YIPF7: variants seen among roughly 807,000 people sequenced by gnomAD.
The protein encoded by YIPF7 is protein YIPF7.
YIPF7 carries 35 observed loss-of-function variants against 27.2 expected under a neutral mutation model. That is an observed-to-expected ratio of 1.29 (90% CI 0.98 to 1.70). YIPF7 has a LOEUF of 1.70. Among genes scored for constraint, YIPF7 ranks in the 40% most tolerant of loss-of-function variants. YIPF7 has a pLI of 0.00. For missense variants in YIPF7, 358 were observed against 303.7 expected, an observed-to-expected ratio of 1.18 and a Z score of -1.33; for synonymous variants, 137 against 110.4, an observed-to-expected ratio of 1.24 and a Z score of -1.51.
chr4:44,647,495 A>G lies in YIPF7; in HGVS notation c.116+2490T>C, dbSNP rs369769943. Among the ~76,000 whole-genome samples the G allele has an allele frequency of 5.4e-4, 82 of 152,314 alleles. 1 individual carries two copies. Among genetic ancestry groups the G allele is most frequent in the African/African-American group, 1.9e-3 (81 of 41,578 alleles). On this transcript the variant is annotated intron_variant, in intron 2 of 5. Transcript: ENST00000415895. The stretch of plus-strand genomic sequence containing the variant: ...CAGAACAGAGCTTAAAAATCTTAGT[A>G]GATATCTTTCATTGTGGATTGCAAA...
At chr4:44,658,695 C>A (rs1468992391) in intron 2 of YIPF7, among the ~76,000 whole-genome samples, 2 of 152,074 alleles carry the variant, frequency 1.3e-5, no homozygotes, top group African/African-American at 2.4e-5. Context: ...AAAGGCATAC[C>A]CGAGACTGGG....
chr4:44,626,949 GT>G (rs1712676167), intron 4 of YIPF7, among the ~76,000 whole-genome samples: 1 of 102,328 alleles, frequency 9.8e-6, no homozygotes, highest in African/African-American at 3.4e-5. Context: ...CTAATTTTCT[GT>G]ATTTTTTTTT....
At chr4:44,640,776 C>T (rs903128472) in intron 2 of YIPF7, among the ~76,000 whole-genome samples, 2 of 152,168 alleles carry the variant, frequency 1.3e-5, no homozygotes, top group Non-Finnish European at 2.9e-5. Context: ...GGCTGCAGCC[C>T]ATGCCACACT....
At chr4:44,626,763 C>CTTTTTT (rs71190269) in intron 4 of YIPF7, among the ~76,000 whole-genome samples, 1,513 of 69,720 alleles carry the variant, frequency 0.022, 384 homozygotes, top group Middle Eastern at 0.038. Context: ...ATTAGCACAT[C>CTTTTTT]TTTTTTTTTT....
chr4:44,635,921 T>C lies in YIPF7; in HGVS notation c.280+1A>G. ...ACATTAATAACACTTCCTTAACTTA[T>C]CTTCTAGCAAAGGAGGCTCTTCATC... On this transcript the variant is annotated splice_donor_variant, in intron 3 of 5. Transcript: ENST00000415895. LOFTEE classifies it high-confidence loss of function. 2 of 1,613,658 alleles carry C rather than the reference T, an allele frequency of 1.2e-6. No homozygotes were observed. Among genetic ancestry groups the C allele is most frequent in the South Asian group, 2.2e-5 (2 of 91,042 alleles).
At chr4:44,635,824 A>C in intron 3 of YIPF7, 98 bp downstream of exon 3, 1 of 1,332,622 alleles carries the variant, frequency 7.5e-7, no homozygotes, top group Non-Finnish European at 1.0e-6. Flanking sequence ...ATCAAACATA[A>C]GACACTGTAC....
At chr4:44,642,212 C>T (rs964626305) in intron 2 of YIPF7, among the ~76,000 whole-genome samples, 3 of 152,104 alleles carry the variant, frequency 2.0e-5, no homozygotes, top group Non-Finnish European at 2.9e-5. Context: ...TTTGACCATC[C>T]TCTTCAAAGA....
At chr4:44,640,978 C>T (rs12641939) in intron 2 of YIPF7, among the ~76,000 whole-genome samples, 11,741 of 151,976 alleles carry the variant, frequency 0.077, 536 homozygotes, top group Admixed American at 0.13. Context: ...CCAAGGCATG[C>T]TCCCTCCCTA....
In YIPF7 at chr4:44,635,943, C is replaced by G. The variant is rs761620608; in HGVS notation, c.259G>C (p.Glu87Gln). 2 of 1,613,780 alleles carry G rather than the reference C, an allele frequency of 1.2e-6. No homozygotes were observed. Among genetic ancestry groups the G allele is most frequent in the Non-Finnish European group, 1.7e-6 (2 of 1,179,792 alleles). Residue 87 changes from glutamate (E) to glutamine (Q), a missense_variant, in exon 3 of 6, where the codon GAA becomes CAA. Coordinates refer to ENST00000415895, the MANE Select transcript of YIPF7 (RefSeq NM_182592.3). The part of the protein sequence containing the change: ...SQSPYIDSFD[E>Q]EPPLLEELGI... Reference sequence around the variant, plus strand: ...TTATCTTCTAGCAAAGGAGGCTCTTCATCAAAACTGTCAATGTAAGGAGAT... The same window carrying G: ...TTATCTTCTAGCAAAGGAGGCTCTTGATCAAAACTGTCAATGTAAGGAGAT...
chr4:44,653,292 T>C (rs143995143), upstream of YIPF7, among the ~76,000 whole-genome samples: 3 of 152,198 alleles, frequency 2.0e-5, no homozygotes, highest in East Asian at 5.8e-4. Context: ...GGTTACATAA[T>C]TGAAATGAAA....
chr4:44,638,841 T>G (rs1205015451), intron 2 of YIPF7, among the ~76,000 whole-genome samples: 1 of 152,236 alleles, frequency 6.6e-6, no homozygotes, highest in Non-Finnish European at 1.5e-5. Flanking sequence ...TTTAAGTCTT[T>G]AATCCATCTT....
In YIPF7 at chr4:44,651,009, G is replaced by A. The variant is rs193164518; in HGVS notation, c.-2+545C>T. 8.9e-4 allele frequency among the ~76,000 whole-genome samples: 135 copies of A among 152,190 alleles called. 1 individual carries two copies. The Middle Eastern group carries it at 0.014, about 15-fold the overall frequency. The stretch of plus-strand genomic sequence containing the variant: ...TTCTTTATTTTTCTTTGAAAACCTT[G>A]TTATTTTAAAAGAGTGGATTTAAAA... On this transcript the variant is annotated intron_variant, in intron 1 of 5. Transcript: ENST00000415895.
chr4:44,625,215 C>G (rs1428027304), intron 4 of YIPF7, among the ~76,000 whole-genome samples: 3 of 152,158 alleles, frequency 2.0e-5, no homozygotes, highest in Non-Finnish European at 4.4e-5. Context: ...TTTACCATGT[C>G]AGATCCCATT....
chr4:44,648,824 A>C (rs1713621789), intron 2 of YIPF7, among the ~76,000 whole-genome samples: 1 of 152,244 alleles, frequency 6.6e-6, no homozygotes, highest in East Asian at 1.9e-4. Flanking sequence ...ACAGTCAGAG[A>C]AGTTAAGTCA....
chr4:44,627,818 C>G (rs1712728171), intron 4 of YIPF7, among the ~76,000 whole-genome samples: 1 of 152,086 alleles, frequency 6.6e-6, no homozygotes, highest in South Asian at 2.1e-4. Context: ...AAGATTACAG[C>G]AAGTGGCAAA....
At chr4:44,656,025 T>G (rs898707206), upstream of YIPF7, among the ~76,000 whole-genome samples, 1 of 152,064 alleles carries the variant, frequency 6.6e-6, no homozygotes, top group African/African-American at 2.4e-5. Flanking sequence ...TTTCCACTTT[T>G]TTTTTCCTGC....
chr4:44,638,852 G>A (rs1713226376), intron 2 of YIPF7, among the ~76,000 whole-genome samples: 1 of 152,070 alleles, frequency 6.6e-6, no homozygotes, highest in African/African-American at 2.4e-5. Context: ...AATCCATCTT[G>A]AGTTTATTTT....
chr4:44,651,819 A>C (rs1713748878), upstream of YIPF7, among the ~76,000 whole-genome samples: 1 of 152,238 alleles, frequency 6.6e-6, no homozygotes. Flanking sequence ...AATTGTGGAA[A>C]GATAAATACA....
At chr4:44,646,668 T>C (rs1392479788) in intron 2 of YIPF7, among the ~76,000 whole-genome samples, 2 of 152,178 alleles carry the variant, frequency 1.3e-5, no homozygotes, top group Non-Finnish European at 2.9e-5. Flanking sequence ...CATTCTAAAA[T>C]AAGAAAACTT....
Sources: gnomAD v4.1 joint callset for allele counts (sites outside exome capture counted in the v4.1 genomes callset) on GRCh38, gnomAD v4.1.1 for gene constraint, MANE v1.5 for transcripts, NCBI Gene and HGNC (gene_info 2026-07-23, HGNC 2026-07-21) for gene names.